The following CFAP46 variants were observed in gnomAD, a reference collection of about 807,000 sequenced individuals.
CFAP46 encodes cilia and flagella associated protein 46, also known as cilia- and flagella-associated protein 46.
In CFAP46, 245 loss-of-function variants were observed where a neutral mutation model predicts 325.7. The observed-to-expected ratio is 0.75, with a 90% confidence interval of 0.68 to 0.84. The LOEUF (loss-of-function observed/expected upper bound fraction) is 0.84. Ranked by LOEUF, CFAP46 falls within the 40% of genes least tolerant of loss-of-function variation. The probability of loss-of-function intolerance (pLI) is 0.00; values close to 1 mark genes in which losing one functional copy is unlikely to be tolerated. For missense variants in CFAP46, 3,346 were observed against 3,543.0 expected, an observed-to-expected ratio of 0.94 and a Z score of 1.41; for synonymous variants, 1,523 against 1,495.9, an observed-to-expected ratio of 1.02 and a Z score of -0.42.
In CFAP46 at chr10:132,889,669, G is replaced by A. The variant is rs1050733216; in HGVS notation, c.3304+2664C>T. Among the ~76,000 whole-genome samples the A allele has an allele frequency of 3.9e-5, 6 of 152,100 alleles. No homozygotes were observed. The South Asian group carries it at 8.3e-4, about 21-fold the overall frequency. On this transcript the variant is annotated intron_variant, in intron 25 of 57. Transcript: ENST00000368586. This position sits in a 1 kb window ranked among gnomAD's most constrained non-coding sequence, Gnocchi z 6.0. Reference sequence around the variant, plus strand: ...ACCACCCAGTACACATCCAATTCACGGGCGGAGGCACTGCAGCCGGACCCC... The same window carrying A: ...ACCACCCAGTACACATCCAATTCACAGGCGGAGGCACTGCAGCCGGACCCC...
chr10:132,912,832 G>A lies in CFAP46; in HGVS notation c.2334-12C>T, dbSNP rs114852620. ...GCATCACGGGGTCCCTGGGAGACAT[G>A]CTTGTCAGAGGGAACCTTGGCCCCC... On this transcript the variant is annotated splice_polypyrimidine_tract_variant and intron_variant, in intron 18 of 57. Coordinates refer to ENST00000368586, the MANE Select transcript of CFAP46 (RefSeq NM_001200049.3). 552 of 1,546,542 alleles carry A rather than the reference G, an allele frequency of 3.6e-4. No homozygotes were observed. The African/African-American group carries it at 6.4e-3, about 18-fold the overall frequency.
Position 132,869,231 on chromosome 10 carries a change from C to A in CFAP46, c.4610+43G>T, listed in dbSNP as rs535638626. On this transcript the variant is annotated intron_variant, in intron 33 of 57. Transcript: ENST00000368586. The surrounding 1 kb of genome is among the most constrained non-coding windows in gnomAD (Gnocchi z 6.2). ...GGCTTTCACCTGGCCGCACCAAGGGCGAGACTCAAACCCCAGGCGGCGCAG... is the reference window on the plus strand; with the variant it reads ...GGCTTTCACCTGGCCGCACCAAGGGAGAGACTCAAACCCCAGGCGGCGCAG... 6 of 1,468,644 alleles carry A rather than the reference C, an allele frequency of 4.1e-6. No homozygotes were observed. In the African/African-American group the frequency reaches 7.1e-5, roughly 17 times the overall value. 91.0% of individuals were successfully genotyped at this position (1,468,644 alleles called of 1,614,324 possible).
intron 50 of CFAP46, among the ~76,000 whole-genome samples, chr10:132,824,769 CTGTATGT>C: frequency 9.7e-6 from 1 of 102,650 alleles, no homozygotes; most frequent in African/African-American, 4.2e-5. Flanking sequence ...CTGATGTGTG[CTGTATGT>C]TGTGTGAGTG....
Position 132,903,081 on chromosome 10 carries a change from G to A in CFAP46, c.2925-3415C>T, listed in dbSNP as rs568461717. Among the ~76,000 whole-genome samples the A allele has an allele frequency of 4.7e-5, 7 of 147,910 alleles. No homozygotes were observed. In the East Asian group the frequency reaches 1.0e-3, roughly 21 times the overall value. The stretch of plus-strand genomic sequence containing the variant: ...AGGTGTGTCTTTCTGAATGCCTGGA[G>A]TTCAGTGAGTTACGCCCCAATGTGA... On this transcript the variant is annotated intron_variant, in intron 22 of 57. Transcript: ENST00000368586.
chr10:132,840,731 GT>G (rs1172875504), intron 44 of CFAP46, among the ~76,000 whole-genome samples: 1 of 152,082 alleles, frequency 6.6e-6, no homozygotes, highest in Non-Finnish European at 1.5e-5. Flanking sequence ...TAATTTCAAG[GT>G]GCCCGTGTTT....
At position 132,866,060 on chromosome 10, in the gene CFAP46, G is replaced by A. The variant is rs1227603610; in HGVS notation, c.4855C>T (p.Arg1619Trp). The A allele has an allele frequency of 6.5e-6, 10 of 1,539,266 alleles. No homozygotes were observed. The highest frequency in any genetic ancestry group is 6.1e-5 in the Admixed American group (3 of 49,284). ...AGGTAAGCCTCCGACAGGAGCAGCC[G>A]TGCAGGCTGGTACAGGTTCATCTCC... is the stretch of plus-strand genomic sequence containing the variant. ...LLEMNLYQPA[R>W]LLLSEAYLAF... Residue 1619 changes from arginine (R) to tryptophan (W), a missense_variant, in exon 35 of 58, where the codon CGG (arginine) becomes TGG (tryptophan). Arg to Trp is a moderately radical substitution (Grantham distance 101, BLOSUM62 -3). Transcript: ENST00000368586.
At position 132,938,606 on chromosome 10, in the gene CFAP46, C is replaced by A. The variant is rs781640394; in HGVS notation, c.519G>T (p.Trp173Cys). The A allele has an allele frequency of 1.7e-5, 28 of 1,613,286 alleles. No individual in the cohort carries two copies. The Admixed American group carries it at 4.7e-4, about 27-fold the overall frequency. The change falls in exon 5 of 58, where the codon TGG becomes TGT. Residue 173 changes from tryptophan (W) to cysteine (C), a missense_variant. Trp to Cys is a radical substitution (Grantham distance 215). Coordinates refer to ENST00000368586, the MANE Select transcript of CFAP46 (RefSeq NM_001200049.3). ...LSQTEEEDKE[W>C]RAELMLELLE... ...CAACTCACAGCATCAGCTCAGCACG[C>A]CACTCCTTGTCTTCCTCCTCAGTCT...
At chr10:132,856,628 G>GTTTTCA (rs754955563) in intron 39 of CFAP46, among the ~76,000 whole-genome samples, 12 of 152,060 alleles carry the variant, frequency 7.9e-5, no homozygotes, top group Admixed American at 2.0e-4. Context: ...CTGTGTTGTG[G>GTTTTCA]TTTTCACCCT....
chr10:132,885,944 A>G lies in CFAP46; in HGVS notation c.3320T>C (p.Leu1107Pro). ...GCCGTAGAGCGCAGCACGGAGCGCC[A>G]GGTCGTCCTCAGCCCCTGGGAGGGA... Reference protein sequence around the residue: ...GYFLPGAEDDLALRAALYGLL... With the variant: ...GYFLPGAEDDPALRAALYGLL... The change falls in exon 26 of 58, where the codon CTG becomes CCG. Residue 1107 changes from leucine (L) to proline (P), a missense_variant. Transcript: ENST00000368586. The G allele has an allele frequency of 6.5e-7, 1 of 1,550,044 alleles. No homozygotes were observed. Among genetic ancestry groups the G allele is most frequent in the South Asian group, 1.2e-5 (1 of 84,052 alleles).
At chr10:132,932,265 C>G (rs567370803) in intron 8 of CFAP46, among the ~76,000 whole-genome samples, 1 of 141,854 alleles carries the variant, frequency 7.0e-6, no homozygotes, top group African/African-American at 2.6e-5. Context: ...CCTCCCCACA[C>G]AGAGCCTGGG....
chr10:132,851,630 G>A (rs574511675), intron 39 of CFAP46, among the ~76,000 whole-genome samples: 9 of 152,290 alleles, frequency 5.9e-5, no homozygotes, highest in South Asian at 2.1e-4. Flanking sequence ...CTGTCTTTCC[G>A]TCTGGTTCAT....
Position 132,846,054 on chromosome 10 carries a change from T to C in CFAP46, c.6438+3A>G, listed in dbSNP as rs1293966064. The C allele has an allele frequency of 6.2e-7, 1 of 1,602,078 alleles. No homozygotes were observed. The highest frequency in any genetic ancestry group is 8.5e-7 in the Non-Finnish European group (1 of 1,178,580). On this transcript the variant is annotated splice_donor_region_variant and intron_variant, in intron 44 of 57. Coordinates refer to ENST00000368586, the MANE Select transcript of CFAP46 (RefSeq NM_001200049.3). ...AGGTTCAGCGGCATCCGTGCCCGCTTACCTTGGACACGGCGGCCAGCCTCT... is the reference window on the plus strand; with the variant it reads ...AGGTTCAGCGGCATCCGTGCCCGCTCACCTTGGACACGGCGGCCAGCCTCT...
intron 19 of CFAP46, 94 bp from the exon 20 acceptor site, chr10:132,910,162 T>C: frequency 8.1e-7 from 1 of 1,227,046 alleles, no homozygotes; most frequent in Non-Finnish European, 1.0e-6. Context: ...TGGAGCCCGC[T>C]CCTGATCCAG....
At chr10:132,857,543 C>T in intron 39 of CFAP46, 47 bp downstream of exon 39, 3 of 1,574,824 alleles carry the variant, frequency 1.9e-6, no homozygotes, top group Admixed American at 2.0e-5. Context: ...GGTTTATATC[C>T]CGGTGGGAGT....
intron 50 of CFAP46, among the ~76,000 whole-genome samples, chr10:132,820,383 C>A (rs11146530): frequency 0.18 from 27,562 of 152,130 alleles, 2,967 homozygotes; most frequent in African/African-American, 0.3. Flanking sequence ...GGGTGCAAAG[C>A]CCTGGTGGTG....
intron 50 of CFAP46, among the ~76,000 whole-genome samples, chr10:132,823,565 T>C (rs1486210440): frequency 4.6e-5 from 5 of 108,138 alleles, no homozygotes; most frequent in Admixed American, 9.0e-5. Flanking sequence ...TGTGTGCTGA[T>C]GTGTGCTGTG....
chr10:132,820,797 C>T (rs1298063173), intron 50 of CFAP46, among the ~76,000 whole-genome samples: 2 of 128,964 alleles, frequency 1.6e-5, no homozygotes, highest in East Asian at 4.7e-4. Context: ...TGTGTGAGCA[C>T]TGATGTGTGC....
chr10:132,902,734 C>T (rs1217371319), intron 22 of CFAP46, among the ~76,000 whole-genome samples: 1 of 152,206 alleles, frequency 6.6e-6, no homozygotes, highest in Non-Finnish European at 1.5e-5. Flanking sequence ...GAGGGCTCTG[C>T]TGCTGAAAGT....
Position 132,818,797 on chromosome 10 carries a change from T to C in CFAP46, c.7118-3883A>G, listed in dbSNP as rs191069987. ...GAACCTGGGAGGCTCAAGGTTGCAGTGAGCCGAGATTGCGCCACTGCACTC... is the reference window on the plus strand; with the variant it reads ...GAACCTGGGAGGCTCAAGGTTGCAGCGAGCCGAGATTGCGCCACTGCACTC... On this transcript the variant is annotated intron_variant, in intron 50 of 57. Coordinates refer to ENST00000368586, the MANE Select transcript of CFAP46 (RefSeq NM_001200049.3). 1.8e-3 allele frequency among the ~76,000 whole-genome samples: 268 copies of C among 149,018 alleles called. 1 individual carries two copies. The highest frequency in any genetic ancestry group is 6.4e-3 in the African/African-American group (256 of 40,296).
Sources: allele counts gnomAD v4.1 joint callset (sites outside exome capture counted in the v4.1 genomes callset), GRCh38; gene constraint gnomAD v4.1.1; non-coding constraint Gnocchi (gnomAD v3.1); transcripts MANE v1.5; gene names NCBI Gene and HGNC (gene_info 2026-07-23, HGNC 2026-07-21).